Variants in CEP112 observed in about 807,000 individuals in gnomAD.
CEP112 encodes centrosomal protein of 112 kDa.
In CEP112, 127 loss-of-function variants were observed where a neutral mutation model predicts 153.0. The ratio of observed to expected loss-of-function variants is 0.83; its 90% CI spans 0.72 to 0.96. The LOEUF (loss-of-function observed/expected upper bound fraction) is 0.96, where lower values mean the gene tolerates loss of function less well. CEP112 is among the 40% of genes least tolerant of loss of function. The pLI, the probability that CEP112 is intolerant of heterozygous loss-of-function variation, is 0.00. For missense variants in CEP112, 1,089 were observed against 1,101.2 expected, an observed-to-expected ratio of 0.99 and a Z score of 0.16; for synonymous variants, 358 against 374.4, an observed-to-expected ratio of 0.96 and a Z score of 0.51.
At chr17:66,038,747 A>T (rs528084103) in intron 12 of CEP112, among the ~76,000 whole-genome samples, 2 of 152,354 alleles carry the variant, frequency 1.3e-5, no homozygotes, top group South Asian at 4.1e-4. Context: ...GGGAACTGAA[A>T]GGTAGCACTT....
chr17:65,797,264 C>T (rs189793469), intron 21 of CEP112: 5 of 152,314 alleles, frequency 3.3e-5, no homozygotes, highest in Admixed American at 3.3e-4. Context: ...CCACCCAAGC[C>T]CGGACACAAC....
chr17:66,162,866 A>G (rs1238455260), intron 4 of CEP112, among the ~76,000 whole-genome samples: 1 of 152,154 alleles, frequency 6.6e-6, no homozygotes, highest in East Asian at 1.9e-4. Context: ...CAAGCTTTAC[A>G]CTTTGATGTG....
At chr17:65,814,341 C>CT (rs748025066) in intron 21 of CEP112, among the ~76,000 whole-genome samples, 34 of 152,148 alleles carry the variant, frequency 2.2e-4, no homozygotes, top group Non-Finnish European at 4.1e-4. Context: ...CTCTATTTCC[C>CT]TTTTCAACAC....
intron 21 of CEP112, among the ~76,000 whole-genome samples, chr17:65,827,246 C>T (rs1051887122): frequency 6.6e-6 from 1 of 152,186 alleles, no homozygotes; most frequent in African/African-American, 2.4e-5. Flanking sequence ...TTGCCACAGG[C>T]CCATTGTGGG....
chr17:66,153,049 G>A lies in CEP112; in HGVS notation c.471-20286C>T, dbSNP rs547006965. ...GACAATACCAAGAGTTGATGAGGAC[G>A]TGAAGAGACGAGAATACTCATGTGA... On this transcript the variant is annotated intron_variant, in intron 4 of 26. Transcript: ENST00000535342. Among the ~76,000 whole-genome samples, 8 of 152,272 alleles carry A rather than the reference G, an allele frequency of 5.3e-5. No individual in the cohort carries two copies. The East Asian group carries it at 5.8e-4, about 11-fold the overall frequency.
chr17:65,696,658 T>G (rs1048733620), intron 23 of CEP112, among the ~76,000 whole-genome samples: 1 of 151,780 alleles, frequency 6.6e-6, no homozygotes, highest in African/African-American at 2.4e-5. Flanking sequence ...AAAGCCAGAG[T>G]ATTTATACTG....
At chr17:65,725,946 C>G (rs945389527) in intron 23 of CEP112, among the ~76,000 whole-genome samples, 1 of 152,296 alleles carries the variant, frequency 6.6e-6, no homozygotes, top group Admixed American at 6.5e-5. Flanking sequence ...GTATCAGCCA[C>G]CATGTCAGGC....
At chr17:66,065,025 G>A (rs181473793) in intron 10 of CEP112, among the ~76,000 whole-genome samples, 39 of 152,290 alleles carry the variant, frequency 2.6e-4, no homozygotes, top group Non-Finnish European at 4.0e-4. Context: ...ATCTGGGGGA[G>A]AGCCAGTAAG....
chr17:65,841,010 T>C (rs1017446069), intron 21 of CEP112, among the ~76,000 whole-genome samples: 13 of 152,172 alleles, frequency 8.5e-5, no homozygotes, highest in East Asian at 3.9e-4. Context: ...CAAATGCTTA[T>C]GAGGATGCAG....
At chr17:66,028,627 T>C (rs1416809344) in intron 14 of CEP112, among the ~76,000 whole-genome samples, 2 of 151,594 alleles carry the variant, frequency 1.3e-5, no homozygotes, top group Non-Finnish European at 2.9e-5. Context: ...ATTATGAAAA[T>C]GTAATGCTGA....
chr17:66,031,368 T>C (rs2065460207), intron 12 of CEP112, among the ~76,000 whole-genome samples: 2 of 151,910 alleles, frequency 1.3e-5, no homozygotes, highest in South Asian at 4.1e-4. Flanking sequence ...GCAAATTCCA[T>C]ACTAATAAAC....
chr17:66,062,228 T>C (rs1010006746), intron 11 of CEP112, among the ~76,000 whole-genome samples: 1 of 151,998 alleles, frequency 6.6e-6, no homozygotes, highest in East Asian at 1.9e-4. Context: ...TAGTGGACAA[T>C]GGACACTAAT....
At position 66,005,699 on chromosome 17, in the gene CEP112, T is replaced by C. The variant is rs759600281; in HGVS notation, c.1727A>G (p.Glu576Gly). 1.8e-5 allele frequency: 29 copies of C among 1,609,532 alleles called. No individual in the cohort carries two copies. In the South Asian group the frequency reaches 3.2e-4, roughly 18 times the overall value. ...TTACAATTTTACTCACTTCAAAGCT[T>C]CCTCAAATTTATGAATTTTCTTTTG... is the stretch of plus-strand genomic sequence containing the variant. ...DTQKKIHKFE[E>G]ALKEKEEQLT... Residue 576 changes from glutamate to glycine, a missense_variant, in exon 17 of 27, where the codon GAA (glutamate) becomes GGA (glycine). Physicochemically the swap from Glu to Gly is moderately conservative, Grantham distance 98 (BLOSUM62 -2). Coordinates refer to ENST00000535342, the MANE Select transcript of CEP112 (RefSeq NM_001199165.4).
chr17:65,924,339 C>A (rs7225209), intron 19 of CEP112, among the ~76,000 whole-genome samples: 1 of 151,958 alleles, frequency 6.6e-6, no homozygotes, highest in East Asian at 1.9e-4. Context: ...ATAATCCTCC[C>A]GAAACATATG....
intron 21 of CEP112, among the ~76,000 whole-genome samples, chr17:65,830,893 G>C (rs1195617617): frequency 1.3e-5 from 2 of 152,024 alleles, no homozygotes; most frequent in African/African-American, 4.8e-5. Context: ...TTTTGTTTCA[G>C]AGAAGCATTT....
chr17:65,781,736 C>A (rs2054007807), intron 21 of CEP112, among the ~76,000 whole-genome samples: 1 of 151,920 alleles, frequency 6.6e-6, no homozygotes, highest in Non-Finnish European at 1.5e-5. Flanking sequence ...CAAAGTCAAC[C>A]AAAATAAGCA....
intron 2 of CEP112, among the ~76,000 whole-genome samples, chr17:66,181,085 C>T (rs571057002): frequency 2.0e-4 from 30 of 152,200 alleles, no homozygotes; most frequent in Admixed American, 2.6e-4. Context: ...AAACTGAAAT[C>T]TATATAATAT....
At chr17:65,937,499 G>C (rs1386458527) in intron 18 of CEP112, among the ~76,000 whole-genome samples, 1 of 120,494 alleles carries the variant, frequency 8.3e-6, no homozygotes, top group African/African-American at 2.8e-5. Context: ...CCCTCTGCCT[G>C]GCAACCGCCC....
intron 12 of CEP112, among the ~76,000 whole-genome samples, chr17:66,044,053 T>C (rs1271068409): frequency 6.6e-6 from 1 of 152,182 alleles, no homozygotes; most frequent in Non-Finnish European, 1.5e-5. Flanking sequence ...TTTACTAGTA[T>C]TACCTATGAC....
Sources: gnomAD v4.1 joint callset for allele counts (sites outside exome capture counted in the v4.1 genomes callset) on GRCh38, gnomAD v4.1.1 for gene constraint, MANE v1.5 for transcripts, NCBI Gene and HGNC (gene_info 2026-07-23, HGNC 2026-07-21) for gene names.